CPAMD8: variants seen among roughly 807,000 people sequenced by gnomAD.
The protein encoded by CPAMD8 is C3 and PZP like alpha-2-macroglobulin domain containing 8.
A neutral mutation model predicts 224.7 loss-of-function variants in CPAMD8; 146 were observed. The ratio of observed to expected loss-of-function variants is 0.65; its 90% CI spans 0.57 to 0.75. CPAMD8 has a LOEUF of 0.75. Ranked by LOEUF, CPAMD8 falls within the 30% of genes least tolerant of loss-of-function variation. The probability of loss-of-function intolerance (pLI) is 0.00; values close to 1 mark genes in which losing one functional copy is unlikely to be tolerated. For synonymous variants in CPAMD8, 966 were observed against 1,044.6 expected (o/e 0.92, Z 1.45); for missense variants, 2,301 against 2,537.5 (o/e 0.91, Z 2.00).
intron 29 of CPAMD8, among the ~76,000 whole-genome samples, chr19:16,909,976 C>T (rs574623514): frequency 6.6e-6 from 1 of 151,936 alleles, no homozygotes; most frequent in Non-Finnish European, 1.5e-5. Flanking sequence ...CTCAGCCTCC[C>T]GAGTAGCTGG....
chr19:16,954,483 A>G (rs1023503595), intron 19 of CPAMD8, among the ~76,000 whole-genome samples: 3 of 152,204 alleles, frequency 2.0e-5, no homozygotes, highest in Non-Finnish European at 4.4e-5. Context: ...AAAATTAAAC[A>G]TAAAATTACC....
In CPAMD8 at chr19:16,893,034, C is replaced by G; in HGVS notation, c.*74G>C. 1.3e-6 allele frequency: 1 copy of G among 785,578 alleles called. No homozygotes were observed. The allele number at this position is 785,578 out of a possible 1,614,324, so 48.7% of individuals were successfully genotyped here. On this transcript the variant is annotated 3_prime_UTR_variant, in exon 42 of 42. Transcript: ENST00000443236. ...AGTTTTCTGAGATGTTAACCACAGG[C>G]ACAAGCTGGGTGTGTGGGTATGAAT...
chr19:16,901,881 G>C (rs1304379228), intron 35 of CPAMD8, among the ~76,000 whole-genome samples: 1 of 152,152 alleles, frequency 6.6e-6, no homozygotes, highest in Non-Finnish European at 1.5e-5. Context: ...CTGATTTCCA[G>C]AACTTTCTGA....
chr19:16,928,188 CA>C lies in CPAMD8; in HGVS notation c.3190del (p.Trp1064GlyfsTer68), dbSNP rs757148769. The C allele has an allele frequency of 6.2e-7, 1 of 1,614,108 alleles. No homozygotes were observed. Among genetic ancestry groups the C allele is most frequent in the Non-Finnish European group, 8.5e-7 (1 of 1,180,038 alleles). ...EPSNESVIVA[W>X]TLPRPPEVQF... is the part of the protein sequence containing the mutation. ...GACCTCTGGTGGCCTCGGGAGGGTC[CA>C]GGCCACAATGACAGACTCATTGGAT... is the stretch of plus-strand genomic sequence containing the variant. On this transcript the variant is annotated frameshift_variant, in exon 25 of 42. Coordinates refer to ENST00000443236, the MANE Select transcript of CPAMD8 (RefSeq NM_015692.5). LOFTEE classifies it high-confidence loss of function.
At chr19:16,973,958 T>A (rs2055159970) in intron 17 of CPAMD8, among the ~76,000 whole-genome samples, 1 of 150,838 alleles carries the variant, frequency 6.6e-6, no homozygotes, top group Non-Finnish European at 1.5e-5. Flanking sequence ...GCCTCCCAAG[T>A]AGCTGGGACT....
At chr19:16,956,173 C>A (rs1255859845) in intron 19 of CPAMD8, among the ~76,000 whole-genome samples, 2 of 152,138 alleles carry the variant, frequency 1.3e-5, no homozygotes, top group Non-Finnish European at 2.9e-5. Flanking sequence ...CCCCACAGCC[C>A]ACATGGTCTC....
Position 16,977,486 on chromosome 19 carries a change from A to C in CPAMD8, c.1640T>G (p.Leu547Arg), listed in dbSNP as rs1365304150. The C allele has an allele frequency of 1.9e-6, 3 of 1,612,114 alleles. No individual in the cohort carries two copies. The highest frequency in any genetic ancestry group is 1.7e-6 in the Non-Finnish European group (2 of 1,179,168). The change falls in exon 15 of 42, where the codon CTG (leucine) becomes CGG (arginine). Residue 547 changes from leucine to arginine, a missense_variant. Physicochemically the swap from Leu to Arg is moderately radical, Grantham distance 102. Around this residue, in one of 4 missense-constraint regions of CPAMD8, gnomAD observed 301 missense variants for 406.6 expected, o/e 0.74. Coordinates refer to ENST00000443236, the MANE Select transcript of CPAMD8 (RefSeq NM_015692.5). ...GGGGACCATGCTGGGGGTCACGGCC[A>C]GATGAAGAGAGGTCACACACACGTC... The part of the protein sequence containing the change: ...EVDVCVTSLH[L>R]AVTPSMVPLG...
intron 26 of CPAMD8, among the ~76,000 whole-genome samples, chr19:16,922,257 T>C (rs2053204131): frequency 1.3e-5 from 2 of 150,176 alleles, no homozygotes; most frequent in South Asian, 4.2e-4. Flanking sequence ...CCACACCACA[T>C]CTGGGCTCAC....
chr19:16,916,632 G>A (rs572010629), intron 27 of CPAMD8, among the ~76,000 whole-genome samples: 22 of 151,996 alleles, frequency 1.4e-4, no homozygotes, highest in East Asian at 3.9e-4. Flanking sequence ...CCAGCTACTC[G>A]GGAGGCTGAG....
At chr19:17,019,118 ATGTTTTGTTT>A (rs897724605) in intron 3 of CPAMD8, among the ~76,000 whole-genome samples, 1 of 151,836 alleles carries the variant, frequency 6.6e-6, no homozygotes, top group Non-Finnish European at 1.5e-5. Context: ...TTCTTTTGTT[ATGTTTTGTTT>A]TGTTTTGTTT....
Position 16,930,559 on chromosome 19 carries a change from C to T in CPAMD8, c.2846-1319G>A, listed in dbSNP as rs534022645. The stretch of plus-strand genomic sequence containing the variant: ...AATGGAAATAATACATGGTGCTTGG[C>T]GGGAATCAGCTGGGGGCCGGGAGTA... On this transcript the variant is annotated intron_variant, in intron 23 of 41. Transcript: ENST00000443236. Among the ~76,000 whole-genome samples, 18 of 152,190 alleles carry T rather than the reference C, an allele frequency of 1.2e-4. 1 individual carries two copies. In the East Asian group the frequency reaches 2.5e-3, roughly 21 times the overall value.
At chr19:17,006,590 C>T (rs1363272888) in intron 7 of CPAMD8, among the ~76,000 whole-genome samples, 3 of 152,104 alleles carry the variant, frequency 2.0e-5, no homozygotes, top group Non-Finnish European at 4.4e-5. Flanking sequence ...TGGCTCTTGC[C>T]AGTGTCACCC....
intron 3 of CPAMD8, among the ~76,000 whole-genome samples, chr19:17,016,961 G>A (rs2056829307): frequency 6.6e-6 from 1 of 151,862 alleles, no homozygotes; most frequent in African/African-American, 2.4e-5. Flanking sequence ...TCAACCCCTG[G>A]GCCACAGACT....
chr19:16,899,816 C>A lies in CPAMD8; in HGVS notation c.4774-267G>T, dbSNP rs778516705. On this transcript the variant is annotated intron_variant, in intron 36 of 41. Coordinates refer to ENST00000443236, the MANE Select transcript of CPAMD8 (RefSeq NM_015692.5). This position sits in a 1 kb window ranked among gnomAD's most constrained non-coding sequence, Gnocchi z 5.4. ...GCCCCAAGCCCAGGTCAGGCTTCTC[C>A]GTGGCCAAAGAGGTGCCCGGCTGAG... Among the ~76,000 whole-genome samples, 4 of 152,142 alleles carry A rather than the reference C, an allele frequency of 2.6e-5. No individual in the cohort carries two copies. Among genetic ancestry groups the A allele is most frequent in the Admixed American group, 1.3e-4 (2 of 15,272 alleles).
In CPAMD8 at chr19:16,907,238, A is replaced by G. The variant is rs2052556277; in HGVS notation, c.3862-121T>C. 3 of 1,236,084 alleles carry G rather than the reference A, an allele frequency of 2.4e-6. No individual in the cohort carries two copies. The African/African-American group carries it at 5.4e-5, about 22-fold the overall frequency. The allele number at this position is 1,236,084 out of a possible 1,614,324, so 76.6% of individuals were successfully genotyped here. On this transcript the variant is annotated intron_variant, in intron 29 of 41. Coordinates refer to ENST00000443236, the MANE Select transcript of CPAMD8 (RefSeq NM_015692.5). ...GGTGACTCCTAGCCCCTTGCTTTGC[A>G]TCCTTCTGTGGCTCTCACTGCCTGC...
At chr19:16,958,793 A>G (rs2054555786) in intron 18 of CPAMD8, among the ~76,000 whole-genome samples, 1 of 145,576 alleles carries the variant, frequency 6.9e-6, no homozygotes, top group African/African-American at 2.5e-5. Context: ...TTATTTTTTT[A>G]CTTTTTTTTT....
intron 18 of CPAMD8, among the ~76,000 whole-genome samples, chr19:16,967,282 T>C (rs2054858123): frequency 7.6e-6 from 1 of 130,872 alleles, no homozygotes; most frequent in Admixed American, 1.0e-4. Flanking sequence ...AGGTGGGAAC[T>C]GAACAATGAG....
chr19:16,911,671 G>A lies in CPAMD8; in HGVS notation c.3861+2753C>T, dbSNP rs557763094. Among the ~76,000 whole-genome samples the A allele has an allele frequency of 1.2e-3, 183 of 151,894 alleles. 4 individuals are homozygous for A. In the South Asian group the frequency reaches 0.035, roughly 29 times the overall value. On this transcript the variant is annotated intron_variant, in intron 29 of 41. Coordinates refer to ENST00000443236, the MANE Select transcript of CPAMD8 (RefSeq NM_015692.5). Reference sequence around the variant, plus strand: ...CGCCATTCTCCTGCCTCAGCCTCCCGAGTAGCTGGGACTACAGGCGCCTGC... The same window carrying A: ...CGCCATTCTCCTGCCTCAGCCTCCCAAGTAGCTGGGACTACAGGCGCCTGC...
At chr19:16,986,627 C>G (rs1475831367) in intron 13 of CPAMD8, among the ~76,000 whole-genome samples, 4 of 152,130 alleles carry the variant, frequency 2.6e-5, no homozygotes, top group Non-Finnish European at 5.9e-5. Flanking sequence ...TTCCTCCAAG[C>G]TGAACCCCAG....
Sources: allele counts gnomAD v4.1 joint callset (sites outside exome capture counted in the v4.1 genomes callset), GRCh38; gene constraint gnomAD v4.1.1; regional missense constraint gnomAD v4.1.1; non-coding constraint Gnocchi (gnomAD v3.1); transcripts MANE v1.5; gene names NCBI Gene and HGNC (gene_info 2026-07-23, HGNC 2026-07-21).